Variants in DOCK1 observed in about 807,000 individuals in gnomAD.
The protein encoded by DOCK1 is dedicator of cytokinesis 1.
A neutral mutation model predicts 262.7 loss-of-function variants in DOCK1; 138 were observed. The ratio of observed to expected loss-of-function variants is 0.53; its 90% CI spans 0.46 to 0.61. The LOEUF (loss-of-function observed/expected upper bound fraction) is 0.61. Ranked by LOEUF, DOCK1 falls within the 20% of genes least tolerant of loss-of-function variation. The pLI is 0.00. For missense variants in DOCK1, 1,908 were observed against 2,370.7 expected (o/e 0.80, Z 4.05); for synonymous variants, 866 against 867.4 (o/e 1.00, Z 0.03).
chr10:127,025,883 A>C (rs1015731133), intron 15 of DOCK1: 1 of 167,958 alleles, frequency 6.0e-6, no homozygotes, highest in Admixed American at 6.1e-5. Context: ...ACATGGAAAA[A>C]CCTTCTCTAC....
chr10:127,199,032 A>G (rs2057340303), intron 27 of DOCK1, among the ~76,000 whole-genome samples: 1 of 151,942 alleles, frequency 6.6e-6, no homozygotes, highest in African/African-American at 2.4e-5. Flanking sequence ...AGGGTCTAGA[A>G]TGAGTCAATA....
rs1363016393 is a variant in DOCK1 at position 127,052,811 on chromosome 10, A to C, written c.2332A>C (p.Asn778His). 6.2e-7 allele frequency: 1 copy of C among 1,611,670 alleles called. No individual in the cohort carries two copies. Among genetic ancestry groups the C allele is most frequent in the South Asian group, 1.1e-5 (1 of 90,756 alleles). The change falls in exon 22 of 52, where the codon AAT becomes CAT. Residue 778 changes from asparagine to histidine, a missense_variant. Asn to His is a moderately conservative substitution (Grantham distance 68). This residue lies in a region of DOCK1 where 518 missense variants were observed against 575.1 expected (regional missense o/e 0.90). Coordinates refer to ENST00000623213, the MANE Select transcript of DOCK1 (RefSeq NM_001290223.2). ...KFIVRSRILF[N>H]QLYENKGEAD... is the part of the protein sequence containing the mutation. ...CATCGTGCGCTCCAGGATCCTGTTC[A>C]ATCAGTGCGTACCTATCCCCTCCAT...
At chr10:127,367,114 G>C (rs1337521605) in intron 33 of DOCK1, among the ~76,000 whole-genome samples, 1 of 152,178 alleles carries the variant, frequency 6.6e-6, no homozygotes, top group Non-Finnish European at 1.5e-5. Flanking sequence ...ATTTTACTCA[G>C]GATTAAACTG....
At chr10:127,068,620 A>G (rs2046016302) in intron 23 of DOCK1, among the ~76,000 whole-genome samples, 1 of 152,172 alleles carries the variant, frequency 6.6e-6, no homozygotes, top group African/African-American at 2.4e-5. Context: ...GAAAAATAAG[A>G]ATCATTTATC....
chr10:127,094,173 G>A (rs1465872989), intron 23 of DOCK1, among the ~76,000 whole-genome samples: 1 of 152,162 alleles, frequency 6.6e-6, no homozygotes, highest in African/African-American at 2.4e-5. Flanking sequence ...CAGCCTGGGC[G>A]ACGGAGTGAG....
intron 25 of DOCK1, among the ~76,000 whole-genome samples, chr10:127,123,282 GT>G (rs5788828): frequency 0.82 from 124,927 of 152,132 alleles, 52,005 homozygotes; most frequent in East Asian, 0.94. Flanking sequence ...AATTCAGCTT[GT>G]TTTCCAGAAT....
chr10:127,176,044 A>G lies in DOCK1; in HGVS notation c.2847+48280A>G. On this transcript the variant is annotated intron_variant, in intron 27 of 51. Coordinates refer to ENST00000623213, the MANE Select transcript of DOCK1 (RefSeq NM_001290223.2). The surrounding 1 kb of genome is among the most constrained non-coding windows in gnomAD (Gnocchi z 4.4). ...TTCCCCTTTTTGCGGTCCAGAGGGAACGTCTGGTAACACTTCTTAAGGTCG... is the reference window on the plus strand; with the variant it reads ...TTCCCCTTTTTGCGGTCCAGAGGGAGCGTCTGGTAACACTTCTTAAGGTCG... 1 of 1,613,986 alleles carries G rather than the reference A, an allele frequency of 6.2e-7. No individual in the cohort carries two copies.
chr10:127,197,718 GTC>G (rs2057272753), intron 27 of DOCK1, among the ~76,000 whole-genome samples: 1 of 152,138 alleles, frequency 6.6e-6, no homozygotes. Context: ...ACATCCCTGA[GTC>G]TCTGCACCTA....
At chr10:127,354,771 C>G (rs2064057108) in intron 32 of DOCK1, 44 bp downstream of exon 32, 1 of 1,611,644 alleles carries the variant, frequency 6.2e-7, no homozygotes, top group Non-Finnish European at 8.5e-7. Context: ...TCTTGCATCC[C>G]TGGTGGGTCA....
At chr10:126,949,121 C>G (rs1008364524) in intron 1 of DOCK1, among the ~76,000 whole-genome samples, 4 of 152,102 alleles carry the variant, frequency 2.6e-5, no homozygotes, top group African/African-American at 7.2e-5. Context: ...CCCTTGCTGC[C>G]TGCCTGGCAC....
rs1048495808 is a variant in DOCK1, at chr10:126,943,464, G to A, written c.47-27238G>A. 6.6e-3 allele frequency among the ~76,000 whole-genome samples: 1,005 copies of A among 152,288 alleles called. 10 individuals are homozygous for A. The highest frequency in any genetic ancestry group is 0.022 in the African/African-American group (932 of 41,562). ...TTAAATGGGAGTAGTAATAGTGGTT[G>A]TAGCATAAGATTGAGGTTAAACGAG... On this transcript the variant is annotated intron_variant, in intron 1 of 51. Coordinates refer to ENST00000623213, the MANE Select transcript of DOCK1 (RefSeq NM_001290223.2).
At chr10:126,926,645 G>A (rs972905699) in intron 1 of DOCK1, among the ~76,000 whole-genome samples, 6 of 152,190 alleles carry the variant, frequency 3.9e-5, no homozygotes, top group East Asian at 1.9e-4. Flanking sequence ...GGTCATACTG[G>A]ATTAAGGTGG....
intron 22 of DOCK1, among the ~76,000 whole-genome samples, chr10:127,060,211 G>T (rs2045439708): frequency 6.6e-6 from 1 of 152,104 alleles, no homozygotes; most frequent in Non-Finnish European, 1.5e-5. Flanking sequence ...ACAGGTCTAG[G>T]AATTACAGAT....
chr10:127,383,080 T>G (rs2065908927), intron 37 of DOCK1, among the ~76,000 whole-genome samples: 1 of 152,220 alleles, frequency 6.6e-6, no homozygotes, highest in South Asian at 2.1e-4. Context: ...CTAAAGAACA[T>G]GATTTATGTT....
intron 4 of DOCK1, among the ~76,000 whole-genome samples, chr10:126,987,137 T>C (rs9418727): frequency 0.069 from 10,535 of 152,234 alleles, 446 homozygotes; most frequent in South Asian, 0.14. Flanking sequence ...ACCTGCATTT[T>C]AATGCCACAT....
intron 29 of DOCK1, among the ~76,000 whole-genome samples, chr10:127,336,783 C>T (rs1430023885): frequency 3.9e-5 from 6 of 152,156 alleles, no homozygotes; most frequent in African/African-American, 1.4e-4. Flanking sequence ...TCGTGATTCA[C>T]CCACCTTGGC....
rs1323648938 is a variant in DOCK1, at chr10:126,957,176, A to G, written c.47-13526A>G. Among the ~76,000 whole-genome samples, 11 of 152,210 alleles carry G rather than the reference A, an allele frequency of 7.2e-5. 1 individual carries two copies. Among genetic ancestry groups the G allele is most frequent in the African/African-American group, 1.9e-4 (8 of 41,460 alleles). On this transcript the variant is annotated intron_variant, in intron 1 of 51. Coordinates refer to ENST00000623213, the MANE Select transcript of DOCK1 (RefSeq NM_001290223.2). The stretch of plus-strand genomic sequence containing the variant: ...TCAATTTTACTTTTTTATCAAAGCT[A>G]AATAATGTAACAACGACAGAGGAGG...
chr10:127,413,348 C>T (rs1042779211), intron 43 of DOCK1, among the ~76,000 whole-genome samples: 3 of 152,172 alleles, frequency 2.0e-5, no homozygotes, highest in South Asian at 2.1e-4. Context: ...TGTTGAGGTC[C>T]GGGCACTTGG....
intron 27 of DOCK1, among the ~76,000 whole-genome samples, chr10:127,145,023 G>T (rs921367504): frequency 2.6e-5 from 4 of 152,132 alleles, no homozygotes; most frequent in African/African-American, 9.7e-5. Flanking sequence ...AGAGTTAGAC[G>T]ATGAGCTGAG....
Sources: allele counts gnomAD v4.1 joint callset (sites outside exome capture counted in the v4.1 genomes callset), GRCh38; gene constraint gnomAD v4.1.1; regional missense constraint gnomAD v4.1.1; non-coding constraint Gnocchi (gnomAD v3.1); transcripts MANE v1.5; gene names NCBI Gene and HGNC (gene_info 2026-07-23, HGNC 2026-07-21).